Variants in CTNNA3 observed in about 807,000 individuals in gnomAD.
CTNNA3 encodes catenin alpha 3, also known as catenin alpha-3.
A neutral mutation model predicts 95.7 loss-of-function variants in CTNNA3; 76 were observed. The observed-to-expected ratio is 0.79, with a 90% CI of 0.66 to 0.96. The LOEUF (loss-of-function observed/expected upper bound fraction) is 0.96, where lower values mean the gene tolerates loss of function less well. CTNNA3 is among the 40% of genes least tolerant of loss of function. CTNNA3 has a pLI of 0.00. For missense variants in CTNNA3, 1,191 were observed against 1,089.8 expected (o/e 1.09, Z -1.31); for synonymous variants, 431 against 374.4 (o/e 1.15, Z -1.74).
chr10:66,103,407 C>T (rs546983698), intron 13 of CTNNA3, among the ~76,000 whole-genome samples, 158 bp from the exon 14 acceptor site: 18 of 152,272 alleles, frequency 1.2e-4, no homozygotes, highest in Middle Eastern at 3.4e-3. Flanking sequence ...AGGCATATGT[C>T]CACACAAATA....
At chr10:66,216,666 C>G (rs1277528038) in intron 13 of CTNNA3, among the ~76,000 whole-genome samples, 1 of 150,946 alleles carries the variant, frequency 6.6e-6, no homozygotes, top group South Asian at 2.1e-4. Flanking sequence ...TAAACACAGT[C>G]TGTCTGACTT....
chr10:67,021,133 G>C (rs1031571089), intron 7 of CTNNA3, among the ~76,000 whole-genome samples: 1 of 152,104 alleles, frequency 6.6e-6, no homozygotes, highest in African/African-American at 2.4e-5. Flanking sequence ...TGACGGAAGA[G>C]GAAGGCCAGT....
chr10:66,627,337 T>C (rs1204431815), intron 9 of CTNNA3, among the ~76,000 whole-genome samples: 1 of 152,044 alleles, frequency 6.6e-6, no homozygotes, highest in Non-Finnish European at 1.5e-5. Flanking sequence ...AGGATCCTGG[T>C]CCTCCCCTAG....
At chr10:67,083,348 G>A (rs1229109017) in intron 7 of CTNNA3, among the ~76,000 whole-genome samples, 1 of 151,698 alleles carries the variant, frequency 6.6e-6, no homozygotes, top group Non-Finnish European at 1.5e-5. Flanking sequence ...GTTCCAATCA[G>A]TTATTCAATG....
At chr10:66,645,985 A>C (rs1435494664) in intron 9 of CTNNA3, among the ~76,000 whole-genome samples, 1 of 152,190 alleles carries the variant, frequency 6.6e-6, no homozygotes, top group Non-Finnish European at 1.5e-5. Context: ...AATATCAGGT[A>C]GAGTACTTTT....
intron 13 of CTNNA3, among the ~76,000 whole-genome samples, chr10:66,113,070 A>G (rs1040672640): frequency 6.6e-6 from 1 of 152,188 alleles, no homozygotes. Context: ...CAGTTGTACC[A>G]TTCTACATTC....
chr10:67,449,551 C>A (rs1390047577), intron 5 of CTNNA3, among the ~76,000 whole-genome samples: 3 of 152,122 alleles, frequency 2.0e-5, no homozygotes, highest in East Asian at 3.9e-4. Flanking sequence ...CAAAAACAAG[C>A]AATGGAGAAA....
intron 1 of CTNNA3, among the ~76,000 whole-genome samples, chr10:67,755,110 T>C (rs1272724125): frequency 6.6e-6 from 1 of 151,886 alleles, no homozygotes; most frequent in Non-Finnish European, 1.5e-5. Flanking sequence ...AGAGGATCAC[T>C]TGAGCCCAAG....
intron 2 of CTNNA3, among the ~76,000 whole-genome samples, chr10:67,636,889 G>T (rs1441483334): frequency 6.6e-6 from 1 of 152,066 alleles, no homozygotes; most frequent in East Asian, 1.9e-4. Flanking sequence ...AAGACCAAAG[G>T]TAGATAAAAC....
chr10:66,922,076 T>C (rs78812589), intron 7 of CTNNA3, among the ~76,000 whole-genome samples: 12,615 of 152,252 alleles, frequency 0.083, 591 homozygotes, highest in Middle Eastern at 0.12. Flanking sequence ...TTTACCCAAT[T>C]TAAACAAAAT....
intron 9 of CTNNA3, among the ~76,000 whole-genome samples, chr10:66,641,799 C>A (rs1268551358): frequency 3.3e-5 from 5 of 152,106 alleles, no homozygotes; most frequent in African/African-American, 9.7e-5. Context: ...GCTTTGCTGT[C>A]TCCTTGTTAA....
At chr10:67,501,748 A>T (rs1286648633) in intron 5 of CTNNA3, among the ~76,000 whole-genome samples, 1 of 151,822 alleles carries the variant, frequency 6.6e-6, no homozygotes, top group Non-Finnish European at 1.5e-5. Context: ...CTTCCGCTTG[A>T]TCGATTCAGC....
intron 9 of CTNNA3, among the ~76,000 whole-genome samples, chr10:66,666,059 C>T (rs538000118): frequency 6.6e-6 from 1 of 152,140 alleles, no homozygotes; most frequent in South Asian, 2.1e-4. Flanking sequence ...ATAAGTCCAA[C>T]ACATTGCAGG....
chr10:67,233,969 T>G (rs963084663), intron 5 of CTNNA3, among the ~76,000 whole-genome samples: 2 of 152,134 alleles, frequency 1.3e-5, no homozygotes, highest in African/African-American at 4.8e-5. Context: ...CAGGAAGAAG[T>G]TGAATCTCTG....
At chr10:66,083,852 T>A (rs1179126500) in intron 14 of CTNNA3, among the ~76,000 whole-genome samples, 1 of 151,972 alleles carries the variant, frequency 6.6e-6, no homozygotes, top group South Asian at 2.1e-4. Context: ...TGATAGTGAG[T>A]TGGCTGGGTG....
At chr10:66,790,277 T>C (rs527245073) in intron 7 of CTNNA3, among the ~76,000 whole-genome samples, 42 of 152,204 alleles carry the variant, frequency 2.8e-4, no homozygotes, top group African/African-American at 9.6e-4. Context: ...GGTGAAACCC[T>C]GTCTCTACTA....
At chr10:67,173,795 G>A (rs1862118576) in intron 7 of CTNNA3, among the ~76,000 whole-genome samples, 1 of 152,144 alleles carries the variant, frequency 6.6e-6, no homozygotes, top group South Asian at 2.1e-4. Context: ...ACCATAGCAG[G>A]AACTTCTAAC....
At chr10:66,777,540 T>C (rs1455083524) in intron 7 of CTNNA3, among the ~76,000 whole-genome samples, 2 of 152,108 alleles carry the variant, frequency 1.3e-5, no homozygotes, top group African/African-American at 2.4e-5. Context: ...GCATTCTCTA[T>C]GCTAGCAGTG....
At chr10:66,552,235 T>C (rs1842242322) in intron 10 of CTNNA3, among the ~76,000 whole-genome samples, 1 of 152,152 alleles carries the variant, frequency 6.6e-6, no homozygotes, top group African/African-American at 2.4e-5. Flanking sequence ...AGACTTTCTC[T>C]ATGCTGGGAT....
Sources: allele counts gnomAD v4.1 joint callset (sites outside exome capture counted in the v4.1 genomes callset), GRCh38; gene constraint gnomAD v4.1.1; transcripts MANE v1.5; gene names NCBI Gene and HGNC (gene_info 2026-07-23, HGNC 2026-07-21).